NFIB: variants seen among roughly 807,000 people sequenced by gnomAD.
NFIB encodes nuclear factor I B.
Under a neutral mutation model 61.5 loss-of-function variants are expected in NFIB, and 11 were observed. That is an observed-to-expected ratio of 0.18 (90% CI 0.11 to 0.30). The LOEUF (loss-of-function observed/expected upper bound fraction) is 0.30, where lower values mean the gene tolerates loss of function less well. Ranked by LOEUF, NFIB falls within the 10% of genes least tolerant of loss-of-function variation. NFIB has a pLI of 1.00. For synonymous variants in NFIB, 260 were observed against 216.5 expected (o/e 1.20, Z -1.76); for missense variants, 471 against 608.9 (o/e 0.77, Z 2.38).
chr9:14,118,626 G>T (rs2038483234), intron 8 of NFIB, among the ~76,000 whole-genome samples: 1 of 152,016 alleles, frequency 6.6e-6, no homozygotes, highest in Non-Finnish European at 1.5e-5. Context: ...GTTAATAGAT[G>T]AACTTTCATA....
At chr9:14,518,245 T>C in the NFIB span, among the ~76,000 whole-genome samples, 11 of 152,194 alleles carry the variant, frequency 7.2e-5, no homozygotes, top group African/African-American at 2.4e-4. Flanking sequence ...TCTATGGCCA[T>C]GGCCCTGTGT....
At chr9:14,361,355 C>T (rs892990757) in intron 1 of NFIB, 2 of 151,870 alleles carry the variant, frequency 1.3e-5, no homozygotes, top group South Asian at 2.1e-4. Flanking sequence ...TAAACTAACA[C>T]CCACTTGTCT....
chr9:14,279,040 A>G (rs968407438), intron 2 of NFIB, among the ~76,000 whole-genome samples: 3 of 152,210 alleles, frequency 2.0e-5, no homozygotes, highest in African/African-American at 7.2e-5. Flanking sequence ...TGAGGTAGGG[A>G]GAAAAATATA....
the NFIB span, among the ~76,000 whole-genome samples, chr9:14,471,567 A>G: frequency 6.6e-6 from 1 of 152,252 alleles, no homozygotes; most frequent in Non-Finnish European, 1.5e-5. Flanking sequence ...CATAGCCACT[A>G]TTTAGGAAGA....
intron 10 of NFIB, chr9:14,093,597 G>T (rs1184272485): frequency 6.6e-6 from 1 of 152,060 alleles, no homozygotes; most frequent in East Asian, 1.9e-4. Flanking sequence ...AACATTTCCT[G>T]ATCTCCCCAA....
chr9:14,231,647 T>C (rs1447681433), intron 2 of NFIB, among the ~76,000 whole-genome samples: 3 of 152,246 alleles, frequency 2.0e-5, no homozygotes, highest in East Asian at 1.9e-4. Flanking sequence ...GTATGATTTA[T>C]ATTAATGAGA....
At chr9:14,133,563 G>T (rs1207262850) in intron 6 of NFIB, among the ~76,000 whole-genome samples, 1 of 152,190 alleles carries the variant, frequency 6.6e-6, no homozygotes, top group Non-Finnish European at 1.5e-5. Context: ...CTGAGACAAG[G>T]AAACAGTTTG....
At chr9:14,393,817 T>C (rs1564055594) in intron 1 of NFIB, among the ~76,000 whole-genome samples, 1 of 152,234 alleles carries the variant, frequency 6.6e-6, no homozygotes, top group Non-Finnish European at 1.5e-5. Flanking sequence ...CCTATTGGTT[T>C]GTTTTTGTAT....
chr9:14,333,314 T>C (rs2060844389), intron 1 of NFIB, among the ~76,000 whole-genome samples: 1 of 152,220 alleles, frequency 6.6e-6, no homozygotes, highest in Admixed American at 6.5e-5. Flanking sequence ...GGTCAATAGC[T>C]TGCAGGTATC....
the NFIB span, among the ~76,000 whole-genome samples, chr9:14,429,855 C>A: frequency 6.6e-6 from 1 of 152,128 alleles, no homozygotes. Context: ...ATTTTCTATG[C>A]ATTGGCATAT....
chr9:14,460,116 C>T, the NFIB span, among the ~76,000 whole-genome samples: 2 of 152,126 alleles, frequency 1.3e-5, no homozygotes, highest in African/African-American at 4.8e-5. Context: ...TTGGAACCAA[C>T]CCAAATGTCC....
chr9:14,292,864 G>A (rs752620044), intron 2 of NFIB, among the ~76,000 whole-genome samples: 1 of 152,016 alleles, frequency 6.6e-6, no homozygotes, highest in Non-Finnish European at 1.5e-5. Context: ...AGTACATTAA[G>A]TAAAATTATG....
chr9:14,292,416 C>T (rs961582486), intron 2 of NFIB, among the ~76,000 whole-genome samples: 1 of 152,190 alleles, frequency 6.6e-6, no homozygotes, highest in Non-Finnish European at 1.5e-5. Context: ...TCAGGTTACA[C>T]ATTTTCTATT....
At chr9:14,236,324 G>C (rs2053741633) in intron 2 of NFIB, among the ~76,000 whole-genome samples, 6 of 152,198 alleles carry the variant, frequency 3.9e-5, no homozygotes, top group Admixed American at 3.9e-4. Context: ...TCCAGAGAAA[G>C]CACTCCTTAA....
chr9:14,475,927 T>C, the NFIB span, among the ~76,000 whole-genome samples: 325 of 152,262 alleles, frequency 2.1e-3, no homozygotes, highest in African/African-American at 7.3e-3. Context: ...CTTCCCCCAC[T>C]TTACTCACAC....
intron 6 of NFIB, among the ~76,000 whole-genome samples, chr9:14,138,574 G>T (rs2041335200): frequency 1.3e-5 from 2 of 151,774 alleles, no homozygotes. Context: ...TTCATTGTTC[G>T]AAATATTCAG....
intron 4 of NFIB, among the ~76,000 whole-genome samples, chr9:14,153,493 G>C (rs1252295227): frequency 6.6e-6 from 1 of 152,082 alleles, no homozygotes; most frequent in Non-Finnish European, 1.5e-5. Flanking sequence ...TATCCTCTTA[G>C]AAATGAAGCA....
chr9:14,241,167 G>A (rs536739080), intron 2 of NFIB, among the ~76,000 whole-genome samples: 243 of 152,218 alleles, frequency 1.6e-3, no homozygotes, highest in Non-Finnish European at 3.0e-3. Flanking sequence ...ACCATTTCTG[G>A]CCAGGTCTTT....
chr9:14,152,165 T>TA (rs2042938268), intron 4 of NFIB, among the ~76,000 whole-genome samples: 1 of 152,090 alleles, frequency 6.6e-6, no homozygotes, highest in East Asian at 1.9e-4. Flanking sequence ...TATACATGAC[T>TA]AGTAACAGCT....
Sources: gnomAD v4.1 joint callset for allele counts (sites outside exome capture counted in the v4.1 genomes callset) on GRCh38, gnomAD v4.1.1 for gene constraint, MANE v1.5 for transcripts, NCBI Gene and HGNC (gene_info 2026-07-23, HGNC 2026-07-21) for gene names.